Variants in KALRN observed in about 807,000 individuals in gnomAD.
The protein encoded by KALRN is kalirin.
KALRN carries 70 observed loss-of-function variants against 353.7 expected under a neutral mutation model. The observed-to-expected ratio is 0.20, with a 90% CI of 0.16 to 0.24. The LOEUF (loss-of-function observed/expected upper bound fraction) is 0.24. Ranked by LOEUF, KALRN falls within the 10% of genes least tolerant of loss-of-function variation. The pLI is 1.00. For synonymous variants in KALRN, 1,391 were observed against 1,434.8 expected (o/e 0.97, Z 0.69); for missense variants, 2,791 against 3,756.7 (o/e 0.74, Z 6.72).
intron 10 of KALRN, among the ~76,000 whole-genome samples, chr3:124,359,214 C>T (rs2083749245): frequency 6.6e-6 from 1 of 152,186 alleles, no homozygotes; most frequent in Admixed American, 6.5e-5. Context: ...TCTGCCTGTC[C>T]TCTGGTGTAT....
At chr3:124,498,649 T>C (rs1186314402) in intron 33 of KALRN, among the ~76,000 whole-genome samples, 1 of 152,230 alleles carries the variant, frequency 6.6e-6, no homozygotes, top group African/African-American at 2.4e-5. Flanking sequence ...GGAGATTCTA[T>C]GTTATGTGTG....
intron 21 of KALRN, among the ~76,000 whole-genome samples, chr3:124,447,999 G>C (rs763351374): frequency 1.3e-5 from 2 of 152,184 alleles, no homozygotes; most frequent in African/African-American, 2.4e-5. Flanking sequence ...GAATTAACAA[G>C]TTGGCTTTAT....
At chr3:124,039,778 C>CTTT (rs112207208) in intron 1 of KALRN, among the ~76,000 whole-genome samples, 2 of 146,952 alleles carry the variant, frequency 1.4e-5, no homozygotes, top group East Asian at 2.0e-4. Flanking sequence ...GAAAACATCT[C>CTTT]TTTTTTTTTT....
chr3:124,691,911 T>C (rs1017860645), intron 51 of KALRN, among the ~76,000 whole-genome samples: 1 of 152,124 alleles, frequency 6.6e-6, no homozygotes, highest in African/African-American at 2.4e-5. Flanking sequence ...GAGAACTCTT[T>C]TAGGTGTGGG....
At chr3:124,416,701 G>T (rs766489743) in intron 14 of KALRN, among the ~76,000 whole-genome samples, 9 of 152,252 alleles carry the variant, frequency 5.9e-5, no homozygotes, top group Non-Finnish European at 1.2e-4. Context: ...GGGGTAAGGG[G>T]TGAGCCCAGG....
At chr3:124,586,159 T>C (rs749841457) in intron 34 of KALRN, among the ~76,000 whole-genome samples, 7 of 152,144 alleles carry the variant, frequency 4.6e-5, no homozygotes, top group Non-Finnish European at 8.8e-5. Flanking sequence ...GAAGAAGGAA[T>C]GTGAGGGGCC....
At chr3:124,272,400 G>A (rs1001276547) in intron 5 of KALRN, among the ~76,000 whole-genome samples, 2 of 152,160 alleles carry the variant, frequency 1.3e-5, no homozygotes, top group African/African-American at 4.8e-5. Context: ...CATAATGGAA[G>A]AGAATGCTAT....
intron 1 of KALRN, among the ~76,000 whole-genome samples, chr3:124,153,848 T>A (rs1217957377): frequency 6.6e-6 from 1 of 152,102 alleles, no homozygotes; most frequent in Non-Finnish European, 1.5e-5. Flanking sequence ...TGGTTTTGAT[T>A]TGCATTTCTC....
rs543137895 is a variant in KALRN, at chr3:124,410,025, A to G, written c.2347-3445A>G. 5.9e-5 allele frequency among the ~76,000 whole-genome samples: 9 copies of G among 152,212 alleles called. 1 individual carries two copies. The highest frequency in any genetic ancestry group is 5.8e-4 in the East Asian group (3 of 5,182). ...ATAACAGACCTGGGTTCCTCAATTC[A>G]ATGGTGTCAGATGATGAGAGTGGAG... On this transcript the variant is annotated intron_variant, in intron 13 of 59. Coordinates refer to ENST00000682506, the MANE Select transcript of KALRN (RefSeq NM_001388419.1).
intron 21 of KALRN, among the ~76,000 whole-genome samples, chr3:124,447,527 G>A (rs897223427): frequency 1.3e-5 from 2 of 152,200 alleles, no homozygotes; most frequent in Non-Finnish European, 2.9e-5. Context: ...GGGTTTGAAT[G>A]AAAATCTGAT....
intron 34 of KALRN, among the ~76,000 whole-genome samples, chr3:124,567,486 T>C (rs1274615187): frequency 6.6e-6 from 1 of 152,156 alleles, no homozygotes; most frequent in Non-Finnish European, 1.5e-5. Flanking sequence ...AGAGTGGGGC[T>C]GTGTGTCAGA....
At chr3:124,535,445 A>C (rs1347100128) in intron 33 of KALRN, among the ~76,000 whole-genome samples, 1 of 152,164 alleles carries the variant, frequency 6.6e-6, no homozygotes, top group Admixed American at 6.5e-5. Flanking sequence ...CCTGATATGA[A>C]AACTTGCCCC....
At chr3:124,597,907 T>C (rs1410304060) in intron 34 of KALRN, among the ~76,000 whole-genome samples, 2 of 152,208 alleles carry the variant, frequency 1.3e-5, no homozygotes, top group Non-Finnish European at 2.9e-5. Flanking sequence ...GTAAATTTTA[T>C]ATATCTCTGT....
At chr3:124,333,083 A>G (rs2080768372) in intron 8 of KALRN, among the ~76,000 whole-genome samples, 1 of 152,186 alleles carries the variant, frequency 6.6e-6, no homozygotes, top group African/African-American at 2.4e-5. Context: ...CAGTCAAGAG[A>G]GTGAGTGCAG....
At chr3:124,259,158 C>G (rs1432986035) in intron 3 of KALRN, among the ~76,000 whole-genome samples, 1 of 152,132 alleles carries the variant, frequency 6.6e-6, no homozygotes, top group Non-Finnish European at 1.5e-5. Context: ...TCTGGGGAGA[C>G]TGGGGAGGCG....
rs550724473 is a variant in KALRN, at chr3:124,184,113, C to T, written c.74-43877C>T. Among the ~76,000 whole-genome samples, 6 of 152,150 alleles carry T rather than the reference C, an allele frequency of 3.9e-5. No homozygotes were observed. In the South Asian group the frequency reaches 8.3e-4, roughly 21 times the overall value. ...GAAGGTTGTTCCAATCTAGACAAAC[C>T]GAACACAGGCATGGAGGCTGGAAAG... On this transcript the variant is annotated intron_variant, in intron 1 of 59. Transcript: ENST00000682506.
At chr3:124,592,195 G>A (rs1424135050) in intron 34 of KALRN, among the ~76,000 whole-genome samples, 11 of 151,674 alleles carry the variant, frequency 7.3e-5, no homozygotes, top group African/African-American at 1.9e-4. Flanking sequence ...CCAGCTACTC[G>A]GGAGGCTGAG....
intron 1 of KALRN, among the ~76,000 whole-genome samples, chr3:124,209,401 G>C (rs1056453862): frequency 1.4e-5 from 2 of 147,696 alleles, no homozygotes; most frequent in Non-Finnish European, 3.0e-5. Flanking sequence ...CAGCTAGTGG[G>C]ACTGGGGAGG....
At chr3:124,083,390 TG>T (rs2149328503) in intron 1 of KALRN, among the ~76,000 whole-genome samples, 1 of 152,154 alleles carries the variant, frequency 6.6e-6, no homozygotes, top group South Asian at 2.1e-4. Flanking sequence ...CCTGGAGACC[TG>T]AAGAATTAAC....
Sources: gnomAD v4.1 joint callset for allele counts (sites outside exome capture counted in the v4.1 genomes callset) on GRCh38, gnomAD v4.1.1 for gene constraint, MANE v1.5 for transcripts, NCBI Gene and HGNC (gene_info 2026-07-23, HGNC 2026-07-21) for gene names.